Variants in NXPH1 observed in about 807,000 individuals in gnomAD.
NXPH1 encodes the protein neurexophilin 1.
Under a neutral mutation model 23.7 loss-of-function variants are expected in NXPH1, and 5 were observed. That is an observed-to-expected ratio of 0.21 (90% CI 0.11 to 0.44). The LOEUF is 0.44. Among genes scored for constraint, NXPH1 ranks in the 20% least tolerant of loss-of-function variants. The probability of loss-of-function intolerance (pLI) is 0.99; values close to 1 mark genes in which losing one functional copy is unlikely to be tolerated. For synonymous variants in NXPH1, 144 were observed against 122.2 expected, an observed-to-expected ratio of 1.18 and a Z score of -1.18; for missense variants, 324 against 321.6, an observed-to-expected ratio of 1.01 and a Z score of -0.06.
intron 2 of NXPH1, among the ~76,000 whole-genome samples, chr7:8,673,360 G>T (rs1307167300): frequency 6.6e-6 from 1 of 152,116 alleles, no homozygotes; most frequent in African/African-American, 2.4e-5. Context: ...TCAGATATAA[G>T]TTGAGGATGG....
At chr7:8,504,490 A>G (rs181872775) in intron 2 of NXPH1, among the ~76,000 whole-genome samples, 14 of 152,158 alleles carry the variant, frequency 9.2e-5, no homozygotes, top group African/African-American at 2.9e-4. Context: ...GAACTCACCT[A>G]TGTAAAGCAG....
At chr7:8,717,933 G>A (rs1443420706) in intron 2 of NXPH1, among the ~76,000 whole-genome samples, 3 of 150,072 alleles carry the variant, frequency 2.0e-5, no homozygotes, top group Non-Finnish European at 4.4e-5. Flanking sequence ...AGATATGCAT[G>A]TGTATACATA....
At chr7:8,689,026 T>C (rs1248939340) in intron 2 of NXPH1, among the ~76,000 whole-genome samples, 1 of 152,192 alleles carries the variant, frequency 6.6e-6, no homozygotes, top group African/African-American at 2.4e-5. Flanking sequence ...TTCATAGTAG[T>C]CTCTTTTTCA....
intron 2 of NXPH1, among the ~76,000 whole-genome samples, chr7:8,638,100 C>T (rs987352593): frequency 1.3e-5 from 2 of 152,112 alleles, no homozygotes; most frequent in Non-Finnish European, 2.9e-5. Context: ...CAGCTTGTAG[C>T]GACAGAGATG....
chr7:8,751,577 A>G lies in NXPH1; in HGVS notation c.624A>G (p.Thr208=). The G allele has an allele frequency of 6.2e-7, 1 of 1,613,498 alleles. No homozygotes were observed. Among genetic ancestry groups the G allele is most frequent in the Non-Finnish European group, 8.5e-7 (1 of 1,179,724 alleles). Residue 208 remains threonine (T), a synonymous_variant, in exon 3 of 3, where the codon ACA becomes ACG. Transcript: ENST00000405863. This position sits in a 1 kb window ranked among gnomAD's most constrained non-coding sequence, Gnocchi z 4.5. The part of the protein sequence containing the change: ...YEKVDKATKN[T]LCNYDPSKTC... Reference sequence around the variant, plus strand: ...AGGTTGACAAGGCTACCAAGAACACACTCTGCAACTATGACCCTTCAAAAA... The same window carrying G: ...AGGTTGACAAGGCTACCAAGAACACGCTCTGCAACTATGACCCTTCAAAAA...
chr7:8,695,232 T>C (rs1019162343), intron 2 of NXPH1, among the ~76,000 whole-genome samples: 6 of 152,198 alleles, frequency 3.9e-5, no homozygotes, highest in African/African-American at 1.4e-4. Flanking sequence ...GCTAGGTCTT[T>C]GAAGTTTACT....
At chr7:8,749,735 G>A (rs1202834787) in intron 2 of NXPH1, among the ~76,000 whole-genome samples, 1 of 152,160 alleles carries the variant, frequency 6.6e-6, no homozygotes, top group African/African-American at 2.4e-5. Context: ...GCTTTTTAAT[G>A]GGTAGCTGGG....
chr7:8,699,214 G>T (rs2115188588), intron 2 of NXPH1, among the ~76,000 whole-genome samples: 1 of 152,164 alleles, frequency 6.6e-6, no homozygotes, highest in South Asian at 2.1e-4. Flanking sequence ...GTGAAAACAG[G>T]TTCCTATTTG....
At chr7:8,687,048 G>T (rs1486738182) in intron 2 of NXPH1, among the ~76,000 whole-genome samples, 1 of 152,130 alleles carries the variant, frequency 6.6e-6, no homozygotes, top group African/African-American at 2.4e-5. Context: ...CAAGTGCTAA[G>T]TAAGGGTCTC....
chr7:8,602,976 A>G (rs1205607744), intron 2 of NXPH1, among the ~76,000 whole-genome samples: 1 of 151,906 alleles, frequency 6.6e-6, no homozygotes, highest in African/African-American at 2.4e-5. Context: ...ATGCACAGCT[A>G]ATTTTTGTAT....
chr7:8,666,449 G>T (rs1269896472), intron 2 of NXPH1, among the ~76,000 whole-genome samples: 1 of 151,950 alleles, frequency 6.6e-6, no homozygotes, highest in African/African-American at 2.4e-5. Flanking sequence ...ATTTTGTTGA[G>T]AGTTTTCATA....
chr7:8,614,001 CATA>C (rs1370332928), intron 2 of NXPH1, among the ~76,000 whole-genome samples: 1 of 151,524 alleles, frequency 6.6e-6, no homozygotes, highest in Non-Finnish European at 1.5e-5. Context: ...TGTGTCTGTC[CATA>C]ATGTTTTTAT....
At chr7:8,468,931 A>G (rs1563319336) in intron 2 of NXPH1, among the ~76,000 whole-genome samples, 2 of 151,942 alleles carry the variant, frequency 1.3e-5, no homozygotes, top group South Asian at 2.1e-4. Flanking sequence ...AATTTTTAAG[A>G]GTGTTAAATT....
At chr7:8,623,223 G>A (rs767154892) in intron 2 of NXPH1, among the ~76,000 whole-genome samples, 3 of 152,098 alleles carry the variant, frequency 2.0e-5, no homozygotes, top group Non-Finnish European at 4.4e-5. Flanking sequence ...GTGGAGACAG[G>A]GAAGACTCTG....
At chr7:8,496,227 C>G (rs754197953) in intron 2 of NXPH1, among the ~76,000 whole-genome samples, 7 of 151,944 alleles carry the variant, frequency 4.6e-5, no homozygotes, top group Non-Finnish European at 7.4e-5. Flanking sequence ...TACCTCTCTT[C>G]ACACACACAA....
Position 8,433,623 on chromosome 7 carries a change from T to G in NXPH1, c.-1243T>G, listed in dbSNP as rs1816135933. Among the ~76,000 whole-genome samples, 1 of 152,020 alleles carries G rather than the reference T, an allele frequency of 6.6e-6. No homozygotes were observed. Among genetic ancestry groups the G allele is most frequent in the Admixed American group, 6.5e-5 (1 of 15,276 alleles). On this transcript the variant is annotated 5_prime_UTR_variant, in exon 1 of 3. Transcript: ENST00000405863. The surrounding 1 kb of genome is among the most constrained non-coding windows in gnomAD (Gnocchi z 6.8). Reference sequence around the variant, plus strand: ...CAAGGTCGCCCAGTCCTCTCGGCTGTCTCGAGCTGAATGGCTGGCAGTCTG... The same window carrying G: ...CAAGGTCGCCCAGTCCTCTCGGCTGGCTCGAGCTGAATGGCTGGCAGTCTG...
At chr7:8,484,527 T>G (rs1817126997) in intron 2 of NXPH1, among the ~76,000 whole-genome samples, 1 of 152,166 alleles carries the variant, frequency 6.6e-6, no homozygotes, top group Non-Finnish European at 1.5e-5. Flanking sequence ...AATCCTAGGA[T>G]TTACATTAAT....
chr7:8,717,894 G>GTGTATATATATATA lies in NXPH1; in HGVS notation c.55-33113_55-33112insGTATATATATATAT, dbSNP rs71545892. 7.6e-3 allele frequency among the ~76,000 whole-genome samples: 1,122 copies of GTGTATATATATATA among 147,144 alleles called. 4 individuals are homozygous for GTGTATATATATATA. The highest frequency in any genetic ancestry group is 0.012 in the Non-Finnish European group (775 of 66,898). On this transcript the variant is annotated intron_variant, in intron 2 of 2. Transcript: ENST00000405863. ...TGTGGGTGTATTCTTCTCTCTGTGT[G>GTGTATATATATATA]TATATATATATATATATACACAACA...
intron 2 of NXPH1, among the ~76,000 whole-genome samples, chr7:8,603,156 G>A (rs1264035200): frequency 6.6e-6 from 1 of 152,126 alleles, no homozygotes; most frequent in Non-Finnish European, 1.5e-5. Flanking sequence ...CTAGAATATG[G>A]TAATGCCTAA....
Sources: allele counts gnomAD v4.1 joint callset (sites outside exome capture counted in the v4.1 genomes callset), GRCh38; gene constraint gnomAD v4.1.1; non-coding constraint Gnocchi (gnomAD v3.1); transcripts MANE v1.5; gene names NCBI Gene and HGNC (gene_info 2026-07-23, HGNC 2026-07-21).